Variants in TIPIN observed in about 807,000 individuals in gnomAD.
The protein encoded by TIPIN is TIMELESS-interacting protein.
Under a neutral mutation model 35.6 loss-of-function variants are expected in TIPIN, and 29 were observed. The observed-to-expected ratio is 0.82, with a 90% confidence interval of 0.61 to 1.11. TIPIN has a LOEUF of 1.11. Among genes scored for constraint, TIPIN ranks in the 50% most tolerant of loss-of-function variants. The probability of loss-of-function intolerance (pLI) is 0.00; values close to 1 mark genes in which losing one functional copy is unlikely to be tolerated. For missense variants in TIPIN, 296 were observed against 345.4 expected (o/e 0.86, Z 1.13); for synonymous variants, 102 against 121.5 (o/e 0.84, Z 1.06).
chr15:66,347,160 C>T (rs199582363), intron 6 of TIPIN: 74 of 482,946 alleles, frequency 1.5e-4, no homozygotes, highest in Middle Eastern at 3.6e-4. Flanking sequence ...CTACATGGAA[C>T]CTGTATTTTC....
chr15:66,337,129 A>T lies in TIPIN; in HGVS notation c.735T>A (p.Asp245Glu). The T allele has an allele frequency of 6.2e-7, 1 of 1,613,992 alleles. No individual in the cohort carries two copies. Among genetic ancestry groups the T allele is most frequent in the Non-Finnish European group, 8.5e-7 (1 of 1,180,006 alleles). Residue 245 changes from aspartate (D) to glutamate (E), a missense_variant, in exon 8 of 8, where the codon GAT becomes GAA. Asp to Glu is a conservative substitution (Grantham distance 45, BLOSUM62 2). Coordinates refer to ENST00000261881, the MANE Select transcript of TIPIN (RefSeq NM_017858.3). Reference protein sequence around the residue: ...RAHTVEEVNTDEDQKEESNGL... With the variant: ...RAHTVEEVNTEEDQKEESNGL... ...CATTTGACTCCTCCTTTTGATCCTC[A>T]TCAGTATTAACCTCTTCAACCGTGT...
chr15:66,352,810 C>G lies in TIPIN; in HGVS notation c.133+5G>C, dbSNP rs755573636. The G allele has an allele frequency of 5.6e-6, 9 of 1,610,508 alleles. No homozygotes were observed. In the East Asian group the frequency reaches 1.8e-4, roughly 32 times the overall value. On this transcript the variant is annotated splice_donor_5th_base_variant and intron_variant, in intron 2 of 7. Coordinates refer to ENST00000261881, the MANE Select transcript of TIPIN (RefSeq NM_017858.3). Reference sequence around the variant, plus strand: ...AGCCTCCTTTTTAAAACTCTCTATACATACCTTCATCAGGCTCAGTTCCTT... The same window carrying G: ...AGCCTCCTTTTTAAAACTCTCTATAGATACCTTCATCAGGCTCAGTTCCTT...
At chr15:66,385,524 C>G (rs1476170141) in intron 1 of TIPIN, among the ~76,000 whole-genome samples, 1 of 151,852 alleles carries the variant, frequency 6.6e-6, no homozygotes, top group Non-Finnish European at 1.5e-5. Flanking sequence ...GGGTCTCACT[C>G]TGTCGCCCAG....
intron 1 of TIPIN, among the ~76,000 whole-genome samples, chr15:66,369,890 T>C (rs776810751): frequency 6.6e-6 from 1 of 152,182 alleles, no homozygotes; most frequent in African/African-American, 2.4e-5. Flanking sequence ...TTAAATTTCC[T>C]GCTTGTAATC....
intron 1 of TIPIN, chr15:66,379,318 G>T: frequency 6.3e-7 from 1 of 1,580,930 alleles, no homozygotes; most frequent in Non-Finnish European, 8.5e-7. Flanking sequence ...TCTTTCTGTA[G>T]CTGGATAACT....
intron 6 of TIPIN, among the ~76,000 whole-genome samples, chr15:66,344,315 C>T (rs1309394200): frequency 6.6e-6 from 1 of 151,976 alleles, no homozygotes; most frequent in Non-Finnish European, 1.5e-5. Context: ...GACAAGGTGG[C>T]TCACGCCTGT....
chr15:66,369,671 G>T lies in TIPIN; in HGVS notation c.-8-16716C>A, dbSNP rs141034293. 2.1e-3 allele frequency among the ~76,000 whole-genome samples: 314 copies of T among 152,206 alleles called. 2 individuals carry two copies. Among genetic ancestry groups the T allele is most frequent in the African/African-American group, 7.0e-3 (292 of 41,542 alleles). ...CCTTACAATATCTTAAAATATACAC[G>T]AACTCATGACTATATGCCATGCATA... On this transcript the variant is annotated intron_variant, in intron 1 of 7. Transcript: ENST00000562124.
chr15:66,352,734 G>A, intron 2 of TIPIN, 81 bp downstream of exon 2: 1 of 1,428,826 alleles, frequency 7.0e-7, no homozygotes, highest in Admixed American at 2.4e-5. Flanking sequence ...GCCCGCCTCA[G>A]CATCCCAAAG....
At chr15:66,371,358 C>T (rs1012703166) in intron 1 of TIPIN, 72 of 984,530 alleles carry the variant, frequency 7.3e-5, no homozygotes, top group Non-Finnish European at 8.1e-5. Context: ...TCTCAGAAGA[C>T]GTAAGTGTTT....
chr15:66,376,540 T>C (rs1427500712), intron 1 of TIPIN, among the ~76,000 whole-genome samples: 1 of 152,000 alleles, frequency 6.6e-6, no homozygotes, highest in African/African-American at 2.4e-5. Flanking sequence ...GCGATTCTCC[T>C]GCCTCAGCCT....
At chr15:66,341,395 CTAGT>C (rs1566971207) in intron 6 of TIPIN, 39 bp from the exon 7 acceptor site, 4 of 1,555,070 alleles carry the variant, frequency 2.6e-6, no homozygotes, top group African/African-American at 1.4e-5. Context: ...TGGTGTTAGA[CTAGT>C]TAGAGAAGGG....
intron 1 of TIPIN, among the ~76,000 whole-genome samples, chr15:66,380,496 AC>A (rs1317147975): frequency 2.6e-5 from 4 of 152,052 alleles, no homozygotes; most frequent in Non-Finnish European, 5.9e-5. Flanking sequence ...TATAGACGTT[AC>A]GTTTTTTCTG....
chr15:66,371,814 G>A (rs979126956), intron 1 of TIPIN, among the ~76,000 whole-genome samples: 1 of 150,950 alleles, frequency 6.6e-6, no homozygotes, highest in Non-Finnish European at 1.5e-5. Context: ...ACCGTGCCTG[G>A]CCTGGTAATT....
intron 1 of TIPIN, among the ~76,000 whole-genome samples, chr15:66,364,613 G>A (rs879870885): frequency 7.9e-5 from 12 of 152,108 alleles, no homozygotes; most frequent in Admixed American, 3.3e-4. Flanking sequence ...GGGGCATTCC[G>A]AATGAAGACT....
At chr15:66,358,694 G>A (rs2093217915), upstream of TIPIN, among the ~76,000 whole-genome samples, 1 of 152,092 alleles carries the variant, frequency 6.6e-6, no homozygotes, top group African/African-American at 2.4e-5. Context: ...TGGGATTACA[G>A]GCGTGAGCCA....
chr15:66,340,170 C>CTTTTTT (rs1566970488), intron 7 of TIPIN, among the ~76,000 whole-genome samples: 6 of 113,882 alleles, frequency 5.3e-5, no homozygotes, highest in African/African-American at 2.2e-4. Flanking sequence ...CTGCGCCTGG[C>CTTTTTT]CTTTTTTTTT....
At chr15:66,353,029 C>G in intron 1 of TIPIN, 74 bp from the exon 2 acceptor site, 1 of 1,416,510 alleles carries the variant, frequency 7.1e-7, no homozygotes, top group Non-Finnish European at 9.5e-7. Flanking sequence ...CTACCTGCAG[C>G]CATTTCATGT....
intron 1 of TIPIN, among the ~76,000 whole-genome samples, chr15:66,380,169 T>A (rs909290025): frequency 3.3e-5 from 5 of 151,806 alleles, no homozygotes; most frequent in Admixed American, 3.3e-4. Context: ...GCCCGGCTAA[T>A]TTTTTGTATT....
intron 1 of TIPIN, among the ~76,000 whole-genome samples, chr15:66,369,352 TC>T (rs1379387602): frequency 2.4e-4 from 17 of 71,416 alleles, no homozygotes; most frequent in Admixed American, 4.0e-4. Flanking sequence ...GTTCACAATA[TC>T]TTTTTTTTTT....
Sources: gnomAD v4.1 joint callset for allele counts (sites outside exome capture counted in the v4.1 genomes callset) on GRCh38, gnomAD v4.1.1 for gene constraint, MANE v1.5 for transcripts, NCBI Gene and HGNC (gene_info 2026-07-23, HGNC 2026-07-21) for gene names.